Variants in MORC1 observed in about 807,000 individuals in gnomAD.
The protein encoded by MORC1 is MORC family CW-type zinc finger 1.
Under a neutral mutation model 134.9 loss-of-function variants are expected in MORC1, and 59 were observed. That is an observed-to-expected ratio of 0.44 (90% confidence interval 0.35 to 0.54). The LOEUF (loss-of-function observed/expected upper bound fraction) is 0.54. MORC1 is among the 20% of genes least tolerant of loss of function. The pLI is 0.00. For synonymous variants in MORC1, 395 were observed against 391.7 expected (o/e 1.01, Z -0.10); for missense variants, 947 against 1,134.5 (o/e 0.83, Z 2.37).
chr3:108,974,992 A>G (rs1354097100), intron 24 of MORC1, among the ~76,000 whole-genome samples: 1 of 152,196 alleles, frequency 6.6e-6, no homozygotes, highest in Non-Finnish European at 1.5e-5. Flanking sequence ...GAAAAGTTCC[A>G]GCTAAGGGCC....
intron 24 of MORC1, 124 bp from the exon 25 acceptor site, chr3:108,971,526 C>T (rs751259642): frequency 1.1e-4 from 81 of 764,664 alleles, no homozygotes; most frequent in Non-Finnish European, 1.6e-4. Flanking sequence ...TTAGTTCCCC[C>T]CAAACATTTT....
chr3:109,107,590 C>A (rs908203846), intron 3 of MORC1, among the ~76,000 whole-genome samples: 1 of 152,150 alleles, frequency 6.6e-6, no homozygotes, highest in African/African-American at 2.4e-5. Context: ...AATTTTATAG[C>A]CTTCAAATTA....
At chr3:108,973,131 C>T (rs1439694958) in intron 24 of MORC1, among the ~76,000 whole-genome samples, 2 of 152,090 alleles carry the variant, frequency 1.3e-5, no homozygotes, top group Non-Finnish European at 2.9e-5. Flanking sequence ...ATCACAGTAC[C>T]TTTTGCCATT....
chr3:109,076,413 G>A (rs543026296), intron 8 of MORC1, among the ~76,000 whole-genome samples: 2 of 152,308 alleles, frequency 1.3e-5, no homozygotes, highest in East Asian at 3.9e-4. Context: ...GTGGAAGACA[G>A]TGTGGCAATT....
chr3:109,012,619 G>T (rs770093005), intron 17 of MORC1, among the ~76,000 whole-genome samples: 1 of 152,000 alleles, frequency 6.6e-6, no homozygotes, highest in Non-Finnish European at 1.5e-5. Context: ...CAGTGTACAG[G>T]TCTTACATGT....
chr3:109,106,690 G>A (rs900415676), intron 3 of MORC1, among the ~76,000 whole-genome samples: 1 of 152,004 alleles, frequency 6.6e-6, no homozygotes, highest in Non-Finnish European at 1.5e-5. Context: ...GCAACCATCT[G>A]GTCCTCTCAA....
intron 23 of MORC1, among the ~76,000 whole-genome samples, chr3:108,980,794 A>G (rs1947695768): frequency 6.6e-6 from 1 of 152,212 alleles, no homozygotes; most frequent in Admixed American, 6.5e-5. Context: ...GTTGAGAGAA[A>G]TACTTAGTCA....
intron 21 of MORC1, among the ~76,000 whole-genome samples, chr3:108,987,159 A>T (rs1947916815): frequency 6.6e-6 from 1 of 152,182 alleles, no homozygotes. Flanking sequence ...TATCATAGTC[A>T]TGTTTACTCA....
intron 3 of MORC1, among the ~76,000 whole-genome samples, chr3:109,105,726 T>C (rs1951020058): frequency 6.6e-6 from 1 of 151,682 alleles, no homozygotes; most frequent in South Asian, 2.1e-4. Flanking sequence ...AAAAAGTAAG[T>C]AAGTTTCAAG....
At chr3:109,040,120 A>C (rs193262439) in intron 14 of MORC1, among the ~76,000 whole-genome samples, 4,730 of 151,794 alleles carry the variant, frequency 0.031, 230 homozygotes, top group African/African-American at 0.11. Flanking sequence ...ACAACAAAAA[A>C]CAGTAAGTCT....
chr3:109,106,307 T>G (rs1951034499), intron 3 of MORC1, among the ~76,000 whole-genome samples: 1 of 152,186 alleles, frequency 6.6e-6, no homozygotes, highest in South Asian at 2.1e-4. Flanking sequence ...AGAAGGGTAT[T>G]CCTTCAGTAA....
chr3:109,035,013 T>C (rs1280771571), intron 15 of MORC1, among the ~76,000 whole-genome samples: 2 of 152,222 alleles, frequency 1.3e-5, no homozygotes, highest in South Asian at 4.1e-4. Context: ...CCTCCCTAAG[T>C]GCTAGGATTA....
intron 14 of MORC1, among the ~76,000 whole-genome samples, chr3:109,041,020 A>G (rs1248371428): frequency 6.6e-6 from 1 of 151,478 alleles, no homozygotes; most frequent in Admixed American, 6.6e-5. Context: ...AGAAAGCAGA[A>G]GAGAAGAGCC....
chr3:109,105,958 C>G (rs1239574235), intron 3 of MORC1, among the ~76,000 whole-genome samples: 3 of 152,126 alleles, frequency 2.0e-5, no homozygotes, highest in East Asian at 1.9e-4. Flanking sequence ...TCCTCTCCCC[C>G]TTTAAAGTAC....
intron 16 of MORC1, among the ~76,000 whole-genome samples, chr3:109,031,236 C>G (rs1382661095): frequency 6.6e-6 from 1 of 152,142 alleles, no homozygotes; most frequent in Non-Finnish European, 1.5e-5. Flanking sequence ...ATTCTGGGAT[C>G]AAGGGCCTCT....
chr3:108,963,310 G>C, intron 27 of MORC1, 104 bp downstream of exon 27: 1 of 927,456 alleles, frequency 1.1e-6, no homozygotes, highest in African/African-American at 1.7e-5. Flanking sequence ...TGACTTAAGT[G>C]ACTTGTCCAG....
intron 21 of MORC1, among the ~76,000 whole-genome samples, chr3:108,992,281 G>A (rs1398658831): frequency 2.0e-5 from 3 of 152,080 alleles, no homozygotes; most frequent in African/African-American, 7.2e-5. Context: ...CCATGTAAAT[G>A]TTCTACCTGG....
chr3:109,033,158 G>A (rs1302468484), intron 15 of MORC1, among the ~76,000 whole-genome samples: 2 of 151,918 alleles, frequency 1.3e-5, no homozygotes, highest in African/African-American at 4.8e-5. Flanking sequence ...CATTTTCTCT[G>A]ACCTACTACC....
intron 14 of MORC1, among the ~76,000 whole-genome samples, chr3:109,054,296 A>G (rs1949904422): frequency 6.6e-6 from 1 of 150,764 alleles, no homozygotes; most frequent in Admixed American, 6.6e-5. Flanking sequence ...AAAAAAAAAA[A>G]GTTTAACATA....
Sources: allele counts gnomAD v4.1 joint callset (sites outside exome capture counted in the v4.1 genomes callset), GRCh38; gene constraint gnomAD v4.1.1; transcripts MANE v1.5; gene names NCBI Gene and HGNC (gene_info 2026-07-23, HGNC 2026-07-21).